The following SLC45A1 variants were observed in gnomAD, a reference collection of about 807,000 sequenced individuals.
SLC45A1 encodes proton-associated sugar transporter A.
Under a neutral mutation model 57.6 loss-of-function variants are expected in SLC45A1, and 28 were observed. That is an observed-to-expected ratio of 0.49 (90% CI 0.36 to 0.67). The LOEUF (loss-of-function observed/expected upper bound fraction) is 0.67, where lower values mean the gene tolerates loss of function less well. Ranked by LOEUF, SLC45A1 falls within the 30% of genes least tolerant of loss-of-function variation. The pLI, the probability that SLC45A1 is intolerant of heterozygous loss-of-function variation, is 0.00. For synonymous variants in SLC45A1, 459 were observed against 471.5 expected, an observed-to-expected ratio of 0.97 and a Z score of 0.34; for missense variants, 814 against 1,041.5, an observed-to-expected ratio of 0.78 and a Z score of 3.01.
intron 1 of SLC45A1, among the ~76,000 whole-genome samples, chr1:8,323,326 A>C (rs1339012235): frequency 3.3e-5 from 5 of 152,110 alleles, no homozygotes; most frequent in Non-Finnish European, 7.4e-5. Context: ...CCCCGTCTCT[A>C]CTAAAAATAC....
chr1:8,321,578 G>A (rs1350817363), intron 1 of SLC45A1, among the ~76,000 whole-genome samples: 2 of 152,130 alleles, frequency 1.3e-5, no homozygotes, highest in African/African-American at 4.8e-5. Context: ...GACAAGAACT[G>A]TGTCTTTTAT....
rs954614646 is a variant in SLC45A1 at position 8,330,876 on chromosome 1, C to T, written c.1383C>T (p.Asp461=). The T allele has an allele frequency of 7.5e-6, 12 of 1,606,796 alleles. No homozygotes were observed. The highest frequency in any genetic ancestry group is 6.7e-5 in the East Asian group (3 of 44,758). ...GACCTCAGACCTTGGCCATCCCGGA[C>T]GCAGCCGGAGGAGGGGGTCCCGAAA... ...LKRPQTLAIP[D]AAGGGGPETS... is the part of the protein sequence containing the mutation. Residue 461 remains aspartate, a synonymous_variant, in exon 5 of 9, where the codon GAC becomes GAT. Transcript: ENST00000471889. The surrounding 1 kb of genome is among the most constrained non-coding windows in gnomAD (Gnocchi z 8.4).
Position 8,343,777 on chromosome 1 carries a change from CG to C in SLC45A1, c.2015del (p.Gly672AlafsTer9). The C allele has an allele frequency of 6.2e-7, 1 of 1,613,720 alleles. No individual in the cohort carries two copies. The highest frequency in any genetic ancestry group is 1.1e-5 in the South Asian group (1 of 91,068). ...AGGGTCCAGTGCGGACGGCACCCGG[CG>C]GGGCATGGGCGTGGACATCTCTCTG... ...FAGSSADGTR[R>X]GMGVDISLLS... On this transcript the variant is annotated frameshift_variant, in exon 9 of 9. Transcript: ENST00000471889. LOFTEE classifies it high-confidence loss of function. The surrounding 1 kb of genome is among the most constrained non-coding windows in gnomAD (Gnocchi z 7.7).
intron 1 of SLC45A1, among the ~76,000 whole-genome samples, chr1:8,318,692 C>T (rs1302740350): frequency 6.6e-6 from 1 of 152,214 alleles, no homozygotes; most frequent in Non-Finnish European, 1.5e-5. Flanking sequence ...CGTTCAGCTC[C>T]TTCTGCCCTC....
rs775069284 is a variant in SLC45A1, at chr1:8,324,336, C to G, written c.7C>G (p.Pro3Ala). MI[P>A]AASSTPPGDA... ...CCCACCAGCCCTCCCCACGATGATCCCCGCAGCCAGCAGCACCCCGCCGGG... is the reference window on the plus strand; with the variant it reads ...CCCACCAGCCCTCCCCACGATGATCGCCGCAGCCAGCAGCACCCCGCCGGG... The change falls in exon 2 of 9, where the codon CCC becomes GCC. Residue 3 changes from proline (P) to alanine (A), a missense_variant. Transcript: ENST00000471889. 1.2e-6 allele frequency: 2 copies of G among 1,612,176 alleles called. No individual in the cohort carries two copies. Among genetic ancestry groups the G allele is most frequent in the Non-Finnish European group, 1.7e-6 (2 of 1,179,612 alleles).
rs1306106087 is a variant in SLC45A1, at chr1:8,326,416, G to A, written c.715+374G>A. ...CTCCAGTCACAACGTTTTCATCAAC[G>A]GATCAACACATAACCTTGTTGTATG... On this transcript the variant is annotated intron_variant, in intron 4 of 8. Coordinates refer to ENST00000471889, the MANE Select transcript of SLC45A1 (RefSeq NM_001080397.3). The surrounding 1 kb of genome is among the most constrained non-coding windows in gnomAD (Gnocchi z 5.5). Among the ~76,000 whole-genome samples, 1 of 152,040 alleles carries A rather than the reference G, an allele frequency of 6.6e-6. No individual in the cohort carries two copies. Among genetic ancestry groups the A allele is most frequent in the Non-Finnish European group, 1.5e-5 (1 of 67,988 alleles).
chr1:8,331,032 G>T, intron 5 of SLC45A1, 96 bp downstream of exon 5: 2 of 1,442,824 alleles, frequency 1.4e-6, no homozygotes, highest in Non-Finnish European at 1.8e-6. Context: ...CCTCCAGGAA[G>T]AAATTCCCGG....
rs1640226254 is a variant in SLC45A1, at chr1:8,327,128, A to AT, written c.715+1090dup. ...GCTGTTCTGTGCAAATCCTTGAATG[A>AT]TTTTGAGAGCACCGTGAGGATTGGT... On this transcript the variant is annotated intron_variant, in intron 4 of 8. Transcript: ENST00000471889. The surrounding 1 kb of genome is among the most constrained non-coding windows in gnomAD (Gnocchi z 4.3). 6.6e-6 allele frequency among the ~76,000 whole-genome samples: 1 copy of AT among 152,002 alleles called. No individual in the cohort carries two copies. Among genetic ancestry groups the AT allele is most frequent in the Non-Finnish European group, 1.5e-5 (1 of 68,012 alleles).
At chr1:8,340,787 CT>C (rs1183614199) in intron 8 of SLC45A1, among the ~76,000 whole-genome samples, 2 of 152,140 alleles carry the variant, frequency 1.3e-5, no homozygotes, top group Admixed American at 6.5e-5. Flanking sequence ...GCCTGAGTAC[CT>C]TATCAAGCAG....
rs1173210411 is a variant in SLC45A1, at chr1:8,325,974, C to T, written c.647C>T (p.Ala216Val). The T allele has an allele frequency of 1.2e-6, 2 of 1,612,556 alleles. No homozygotes were observed. Among genetic ancestry groups the T allele is most frequent in the East Asian group, 2.2e-5 (1 of 44,882 alleles). ...SADSADNPSH[A>V]YMMDVCSPAD... ...GACTCGGCGGACAACCCCAGCCACG[C>T]CTACATGATGGACGTGTGCAGCCCC... Residue 216 changes from alanine (A) to valine (V), a missense_variant, in exon 4 of 9, where the codon GCC (alanine) becomes GTC (valine). Transcript: ENST00000471889. The surrounding 1 kb of genome is among the most constrained non-coding windows in gnomAD (Gnocchi z 6.3).
intron 8 of SLC45A1, among the ~76,000 whole-genome samples, chr1:8,342,898 CAA>C (rs111698660): frequency 2.3e-5 from 3 of 132,898 alleles, no homozygotes; most frequent in African/African-American, 2.8e-5. Context: ...GACCCTGTCT[CAA>C]AAAAAAAAAA....
Position 8,318,128 on chromosome 1 carries a change from C to T in SLC45A1, c.-83C>T, listed in dbSNP as rs941254823. 2 of 468,118 alleles carry T rather than the reference C, an allele frequency of 4.3e-6. No individual in the cohort carries two copies. The highest frequency in any genetic ancestry group is 7.8e-6 in the Non-Finnish European group (2 of 257,834). 29.0% of individuals were successfully genotyped at this position (468,118 alleles called of 1,614,324 possible). A position where few individuals can be genotyped will look rare whatever the true frequency, so the allele number is the denominator to read the frequency against. On this transcript the variant is annotated 5_prime_UTR_variant, in exon 1 of 9. Coordinates refer to ENST00000471889, the MANE Select transcript of SLC45A1 (RefSeq NM_001080397.3). ...CGGGTGATGCTGCAGCAGCCGGGACCGCGGCCGGGCAGGCAGCAGCCCAGC... is the reference window on the plus strand; with the variant it reads ...CGGGTGATGCTGCAGCAGCCGGGACTGCGGCCGGGCAGGCAGCAGCCCAGC...
chr1:8,338,171 G>T (rs903544945), intron 7 of SLC45A1, among the ~76,000 whole-genome samples, 179 bp downstream of exon 7: 1 of 152,240 alleles, frequency 6.6e-6, no homozygotes, highest in African/African-American at 2.4e-5. Context: ...CTGAAGAAAT[G>T]GAGCTTACCA....
chr1:8,330,908 G>A lies in SLC45A1; in HGVS notation c.1415G>A (p.Arg472Lys), dbSNP rs1640385869. The change falls in exon 5 of 9, where the codon AGG becomes AAG. Residue 472 changes from arginine (R) to lysine (K), a missense_variant. Arg to Lys is a conservative substitution (Grantham distance 26). Coordinates refer to ENST00000471889, the MANE Select transcript of SLC45A1 (RefSeq NM_001080397.3). This position sits in a 1 kb window ranked among gnomAD's most constrained non-coding sequence, Gnocchi z 8.4. ...GGAGGAGGGGGTCCCGAAACCAGCA[G>A]GAGAAGGAATGTGACCTTCAGTCAG... ...AAGGGGPETS[R>K]RRNVTFSQQV... The A allele has an allele frequency of 6.3e-6, 10 of 1,599,910 alleles. No individual in the cohort carries two copies. Among genetic ancestry groups the A allele is most frequent in the Non-Finnish European group, 8.5e-6 (10 of 1,170,450 alleles).
rs1430357690 is a variant in SLC45A1, at chr1:8,327,050, C to G, written c.715+1008C>G. Among the ~76,000 whole-genome samples, 2 of 152,250 alleles carry G rather than the reference C, an allele frequency of 1.3e-5. No individual in the cohort carries two copies. The highest frequency in any genetic ancestry group is 4.8e-5 in the African/African-American group (2 of 41,456). On this transcript the variant is annotated intron_variant, in intron 4 of 8. Coordinates refer to ENST00000471889, the MANE Select transcript of SLC45A1 (RefSeq NM_001080397.3). This position sits in a 1 kb window ranked among gnomAD's most constrained non-coding sequence, Gnocchi z 4.3. ...AGCGTGGAGACGAGAAGGCAGAGCTCAGCCCTGCGGGGCCTCAGCTGGATC... is the reference window on the plus strand; with the variant it reads ...AGCGTGGAGACGAGAAGGCAGAGCTGAGCCCTGCGGGGCCTCAGCTGGATC...
chr1:8,328,222 A>G lies in SLC45A1; in HGVS notation c.716-1987A>G, dbSNP rs901624267. The G allele has an allele frequency of 3.9e-5, 6 of 152,162 alleles. No individual in the cohort carries two copies. The highest frequency in any genetic ancestry group is 1.2e-4 in the African/African-American group (5 of 41,428). 9.4% of individuals were successfully genotyped at this position (152,162 alleles called of 1,614,324 possible). A position where few individuals can be genotyped will look rare whatever the true frequency, so the allele number is the denominator to read the frequency against. On this transcript the variant is annotated intron_variant, in intron 4 of 8. Coordinates refer to ENST00000471889, the MANE Select transcript of SLC45A1 (RefSeq NM_001080397.3). The surrounding 1 kb of genome is among the most constrained non-coding windows in gnomAD (Gnocchi z 4.6). ...GAACAATGTTTAAAAATCAAGGGAA[A>G]AGCCTAATGAGACATTAGGCCTTCA...
chr1:8,333,426 C>A (rs1640481861), intron 5 of SLC45A1, among the ~76,000 whole-genome samples: 1 of 151,944 alleles, frequency 6.6e-6, no homozygotes, highest in Non-Finnish European at 1.5e-5. Flanking sequence ...TGTGAGCCAC[C>A]ATGCCCGGCC....
At chr1:8,333,427 A>G (rs1376120585) in intron 5 of SLC45A1, among the ~76,000 whole-genome samples, 2 of 150,484 alleles carry the variant, frequency 1.3e-5, no homozygotes, top group Non-Finnish European at 3.0e-5. Context: ...GTGAGCCACC[A>G]TGCCCGGCCT....
At chr1:8,329,048 G>A (rs79676807) in intron 4 of SLC45A1, among the ~76,000 whole-genome samples, 1,588 of 152,146 alleles carry the variant, frequency 0.01, 40 homozygotes, top group African/African-American at 0.035. Flanking sequence ...AGAAGGGACG[G>A]GACTGGAGCT....
Sources: allele counts gnomAD v4.1 joint callset (sites outside exome capture counted in the v4.1 genomes callset), GRCh38; gene constraint gnomAD v4.1.1; non-coding constraint Gnocchi (gnomAD v3.1); transcripts MANE v1.5; gene names NCBI Gene and HGNC (gene_info 2026-07-23, HGNC 2026-07-21).